Variants in GBX2 observed in about 807,000 individuals in gnomAD.
GBX2 encodes homeobox protein GBX-2.
Under a neutral mutation model 22.4 loss-of-function variants are expected in GBX2, and 5 were observed. That is an observed-to-expected ratio of 0.22 (90% CI 0.12 to 0.47). The LOEUF is 0.47. Among genes scored for constraint, GBX2 ranks in the 20% least tolerant of loss-of-function variants. GBX2 has a pLI of 0.99. For missense variants in GBX2, 470 were observed against 495.4 expected, an observed-to-expected ratio of 0.95 and a Z score of 0.49; for synonymous variants, 220 against 230.5, an observed-to-expected ratio of 0.95 and a Z score of 0.41.
intron 1 of GBX2, chr2:236,167,243 C>A: frequency 1.3e-6 from 2 of 1,490,616 alleles, no homozygotes; most frequent in South Asian, 1.2e-5. Flanking sequence ...CGCTAAACGC[C>A]CCCCCTCCCG....
downstream of GBX2, among the ~76,000 whole-genome samples, chr2:236,163,687 A>C (rs2126006934): frequency 6.6e-6 from 1 of 152,206 alleles, no homozygotes; most frequent in Admixed American, 6.5e-5. Context: ...CCACGCGCAG[A>C]CTGGCTCAGG....
Position 236,167,590 on chromosome 2 carries a change from C to T in GBX2, c.382G>A (p.Ala128Thr). ...CCGCCGCCGGGCAGCGGCTGCGGCG[C>T]GAACTTGCGGGCCGCTGCCGCCTCC... The part of the protein sequence containing the change: ...HQEAAAARKF[A>T]PQPLPGGGNF... Residue 128 changes from alanine (A) to threonine (T), a missense_variant, in exon 1 of 2, where the codon GCG (alanine) becomes ACG (threonine). Physicochemically the swap from Ala to Thr is moderately conservative, Grantham distance 58. Coordinates refer to ENST00000306318, the MANE Select transcript of GBX2 (RefSeq NM_001485.4). 3 of 1,596,614 alleles carry T rather than the reference C, an allele frequency of 1.9e-6. No homozygotes were observed. Among genetic ancestry groups the T allele is most frequent in the Non-Finnish European group, 2.6e-6 (3 of 1,174,786 alleles).
intron 1 of GBX2, chr2:236,167,126 G>C: frequency 6.5e-7 from 1 of 1,535,342 alleles, no homozygotes; most frequent in Admixed American, 2.0e-5. Context: ...TCCCCTAGAG[G>C]CTGCAACCTA....
Position 236,166,224 on chromosome 2 carries a change from T to C in GBX2, c.737A>G (p.Lys246Arg), listed in dbSNP as rs771308424. ...GAAGGCAGTCCGCCGCCGCCGGTTCTTGCCCGTAGACGTGGTGCTGCCCGC... is the reference window on the plus strand; with the variant it reads ...GAAGGCAGTCCGCCGCCGCCGGTTCCTGCCCGTAGACGTGGTGCTGCCCGC... ...GAAGSTTSTG[K>R]NRRRRTAFTS... The change falls in exon 2 of 2, where the codon AAG (lysine) becomes AGG (arginine). Residue 246 changes from lysine (K) to arginine (R), a missense_variant. Physicochemically the swap from Lys to Arg is conservative, Grantham distance 26. Transcript: ENST00000306318. The surrounding 1 kb of genome is among the most constrained non-coding windows in gnomAD (Gnocchi z 6.6). The C allele has an allele frequency of 1.9e-6, 3 of 1,613,666 alleles. No individual in the cohort carries two copies. Among genetic ancestry groups the C allele is most frequent in the Non-Finnish European group, 2.5e-6 (3 of 1,179,998 alleles).
In GBX2 at chr2:236,165,712, T is replaced by C. The variant is rs2060234599; in HGVS notation, c.*202A>G. ...ACAAAGTAGGATAGTATAATAAATA[T>C]TTAGCGTGTCTTCTGGTGTGGCTGT... is the stretch of plus-strand genomic sequence containing the variant. On this transcript the variant is annotated 3_prime_UTR_variant, in exon 2 of 2. Transcript: ENST00000306318. The C allele has an allele frequency of 3.4e-6, 2 of 582,078 alleles. No individual in the cohort carries two copies. Among genetic ancestry groups the C allele is most frequent in the Non-Finnish European group, 3.1e-6 (1 of 327,410 alleles). The allele number at this position is 582,078 out of a possible 1,614,324, so 36.1% of individuals were successfully genotyped here.
At position 236,166,230 on chromosome 2, in the gene GBX2, G is replaced by A. The variant is rs200791522; in HGVS notation, c.731C>T (p.Thr244Met). Reference sequence around the variant, plus strand: ...AGTCCGCCGCCGCCGGTTCTTGCCCGTAGACGTGGTGCTGCCCGCGGCGCC... The same window carrying A: ...AGTCCGCCGCCGCCGGTTCTTGCCCATAGACGTGGTGCTGCCCGCGGCGCC... ...SSGAAGSTTSTGKNRRRRTAF... is the reference protein window; with the variant it reads ...SSGAAGSTTSMGKNRRRRTAF... Residue 244 changes from threonine to methionine, a missense_variant, in exon 2 of 2, where the codon ACG becomes ATG. Around this residue, in one of 4 missense-constraint regions of GBX2, gnomAD observed 377 missense variants for 358.6 expected, o/e 1.05. Transcript: ENST00000306318. This position sits in a 1 kb window ranked among gnomAD's most constrained non-coding sequence, Gnocchi z 6.6. 7 of 1,613,704 alleles carry A rather than the reference G, an allele frequency of 4.3e-6. No homozygotes were observed. Among genetic ancestry groups the A allele is most frequent in the East Asian group, 4.5e-5 (2 of 44,866 alleles).
downstream of GBX2, among the ~76,000 whole-genome samples, chr2:236,163,526 CGGGTG>C (rs1411398008): frequency 1.3e-5 from 2 of 152,160 alleles, no homozygotes; most frequent in Admixed American, 1.3e-4. Flanking sequence ...TTGGAGAAGG[CGGGTG>C]GGGTTACACC....
At chr2:236,163,005 G>A (rs1289926431), downstream of GBX2, among the ~76,000 whole-genome samples, 2 of 152,182 alleles carry the variant, frequency 1.3e-5, no homozygotes, top group African/African-American at 4.8e-5. Context: ...TGCTGGCCGA[G>A]CCTCGTGGGT....
chr2:236,167,783 GGGC>G lies in GBX2; in HGVS notation c.186_188del (p.Pro63del), dbSNP rs545073704. The G allele has an allele frequency of 5.4e-4, 753 of 1,399,896 alleles. No homozygotes were observed. The highest frequency in any genetic ancestry group is 2.9e-3 in the South Asian group (168 of 58,192). The allele number at this position is 1,399,896 out of a possible 1,614,324, so 86.7% of individuals were successfully genotyped here. On this transcript the variant is annotated inframe_deletion, in exon 1 of 2. Transcript: ENST00000306318. ...GCTGCAGCGCGGCCTGGGGCAGCGC[GGGC>G]GGCGGCGGCGGCGGCGGCGGCAGCA...
At position 236,167,522 on chromosome 2, in the gene GBX2, G is replaced by A; in HGVS notation, c.450C>T (p.Asp150=). ...KAEALQADAE[D]GKGFLAKEGS... Reference sequence around the variant, plus strand: ...CCTCTTTGGCCAGGAAGCCTTTGCCGTCCTCCGCGTCAGCCTGCAGCGCCT... The same window carrying A: ...CCTCTTTGGCCAGGAAGCCTTTGCCATCCTCCGCGTCAGCCTGCAGCGCCT... The change falls in exon 1 of 2, where the codon GAC becomes GAT. Residue 150 remains aspartate (D), a synonymous_variant. Transcript: ENST00000306318. 1.3e-6 allele frequency: 2 copies of A among 1,597,150 alleles called. No homozygotes were observed. Among genetic ancestry groups the A allele is most frequent in the South Asian group, 1.1e-5 (1 of 89,566 alleles).
chr2:236,164,707 C>G (rs1414151039), downstream of GBX2, among the ~76,000 whole-genome samples: 1 of 152,330 alleles, frequency 6.6e-6, no homozygotes, highest in East Asian at 1.9e-4. Flanking sequence ...CCGCCTCCGA[C>G]TGAGGGCTGC....
At chr2:236,167,348 G>C (rs2060246032) in intron 1 of GBX2, 101 bp downstream of exon 1, 3 of 1,389,792 alleles carry the variant, frequency 2.2e-6, no homozygotes, top group Non-Finnish European at 9.5e-7. Flanking sequence ...GGTCGAGCGG[G>C]GGCGCGGCCT....
Position 236,165,601 on chromosome 2 carries a change from G to T in GBX2, c.*313C>A. The T allele has an allele frequency of 3.7e-6, 1 of 272,994 alleles. No individual in the cohort carries two copies. The highest frequency in any genetic ancestry group is 6.9e-6 in the Non-Finnish European group (1 of 144,598). 16.9% of individuals were successfully genotyped at this position (272,994 alleles called of 1,614,324 possible). A position where few individuals can be genotyped will look rare whatever the true frequency, so the allele number is the denominator to read the frequency against. On this transcript the variant is annotated 3_prime_UTR_variant, in exon 2 of 2. Coordinates refer to ENST00000306318, the MANE Select transcript of GBX2 (RefSeq NM_001485.4). ...ACAGCAGAGGTTTTGTTTTCTTCTG[G>T]AATGAGTGGAGAAATTACTGGGTAA...
intron 1 of GBX2, chr2:236,167,116 T>C (rs1481963094): frequency 1.3e-6 from 2 of 1,534,262 alleles, no homozygotes; most frequent in Admixed American, 3.9e-5. Flanking sequence ...CCAACCCGTC[T>C]CCCCTAGAGG....
At chr2:236,167,087 C>G (rs908148357) in intron 1 of GBX2, 106 of 1,506,096 alleles carry the variant, frequency 7.0e-5, no homozygotes, top group Non-Finnish European at 8.7e-5. Flanking sequence ...TGGGCACACG[C>G]ACGGCTGAGA....
rs990030393 is a variant in GBX2 at position 236,167,239 on chromosome 2, A to G, written c.523+210T>C. On this transcript the variant is annotated intron_variant, in intron 1 of 1. Coordinates refer to ENST00000306318, the MANE Select transcript of GBX2 (RefSeq NM_001485.4). Reference sequence around the variant, plus strand: ...GCAGCAGCTGGTCGCCGGGCGCTAAACGCCCCCCCTCCCGAGACCCCGCTT... The same window carrying G: ...GCAGCAGCTGGTCGCCGGGCGCTAAGCGCCCCCCCTCCCGAGACCCCGCTT... 3.4e-6 allele frequency: 5 copies of G among 1,491,292 alleles called. No individual in the cohort carries two copies. In the East Asian group the frequency reaches 7.4e-5, roughly 22 times the overall value. The allele number at this position is 1,491,292 out of a possible 1,614,324, so 92.4% of individuals were successfully genotyped here. A position where few individuals can be genotyped will look rare whatever the true frequency, so the allele number is the denominator to read the frequency against.
downstream of GBX2, among the ~76,000 whole-genome samples, chr2:236,164,403 T>C (rs558174888): frequency 6.6e-6 from 1 of 152,162 alleles, no homozygotes; most frequent in South Asian, 2.1e-4. Flanking sequence ...TCCGCCGCAG[T>C]ATCTGGCGGC....
intron 1 of GBX2, chr2:236,167,158 G>T (rs1308957725): frequency 5.9e-6 from 9 of 1,535,480 alleles, no homozygotes; most frequent in Non-Finnish European, 7.8e-6. Flanking sequence ...AGGTCACCGC[G>T]GAGCGGCAGA....
chr2:236,167,541 A>G lies in GBX2; in HGVS notation c.431T>C (p.Leu144Pro). 1.3e-6 allele frequency: 2 copies of G among 1,599,512 alleles called. No homozygotes were observed. Among genetic ancestry groups the G allele is most frequent in the South Asian group, 2.2e-5 (2 of 89,668 alleles). The change falls in exon 1 of 2, where the codon CTG (leucine) becomes CCG (proline). Residue 144 changes from leucine (L) to proline (P), a missense_variant. By Grantham distance (98) the Leu-to-Pro change is moderately conservative (BLOSUM62 -3). Transcript: ENST00000306318. The part of the protein sequence containing the change: ...GGGNFDKAEA[L>P]QADAEDGKGF... ...TTTGCCGTCCTCCGCGTCAGCCTGCAGCGCCTCCGCCTTGTCGAAGTTACC... is the reference window on the plus strand; with the variant it reads ...TTTGCCGTCCTCCGCGTCAGCCTGCGGCGCCTCCGCCTTGTCGAAGTTACC...
Sources: gnomAD v4.1 joint callset for allele counts (sites outside exome capture counted in the v4.1 genomes callset) on GRCh38, gnomAD v4.1.1 for gene constraint, gnomAD v4.1.1 regional missense constraint, Gnocchi (gnomAD v3.1) non-coding constraint, MANE v1.5 for transcripts, NCBI Gene and HGNC (gene_info 2026-07-23, HGNC 2026-07-21) for gene names.